AMOTL1: variants seen among roughly 807,000 people sequenced by gnomAD.
AMOTL1 encodes angiomotin like 1.
Under a neutral mutation model 102.9 loss-of-function variants are expected in AMOTL1, and 45 were observed. The ratio of observed to expected loss-of-function variants is 0.44; its 90% CI spans 0.34 to 0.56. AMOTL1 has a LOEUF of 0.56. AMOTL1 is among the 20% of genes least tolerant of loss of function. The pLI, the probability that AMOTL1 is intolerant of heterozygous loss-of-function variation, is 0.01. For missense variants in AMOTL1, 1,114 were observed against 1,225.6 expected (o/e 0.91, Z 1.36); for synonymous variants, 481 against 484.7 (o/e 0.99, Z 0.10).
At chr11:94,847,426 T>G (rs557632387) in intron 6 of AMOTL1, among the ~76,000 whole-genome samples, 2 of 152,264 alleles carry the variant, frequency 1.3e-5, no homozygotes, top group South Asian at 4.1e-4. Context: ...ACTCACTCAT[T>G]CATTCAACAA....
intron 4 of AMOTL1, among the ~76,000 whole-genome samples, chr11:94,827,448 T>G (rs1951988446): frequency 6.6e-6 from 1 of 152,224 alleles, no homozygotes; most frequent in Non-Finnish European, 1.5e-5. Flanking sequence ...GGCCACCTTT[T>G]ATAGATAAAA....
At chr11:94,707,397 G>T (rs57349763) in intron 1 of AMOTL1, among the ~76,000 whole-genome samples, 1,905 of 152,104 alleles carry the variant, frequency 0.013, 45 homozygotes, top group African/African-American at 0.043. Flanking sequence ...GCTTTGGAAG[G>T]CTCAATAAAG....
intron 2 of AMOTL1, among the ~76,000 whole-genome samples, chr11:94,740,694 G>C (rs1950508561): frequency 1.3e-5 from 2 of 151,984 alleles, no homozygotes; most frequent in Admixed American, 6.5e-5. Flanking sequence ...GTTGGCGCGC[G>C]CCTGACCGCG....
At chr11:94,834,555 G>A (rs964607424) in intron 6 of AMOTL1, among the ~76,000 whole-genome samples, 1 of 152,074 alleles carries the variant, frequency 6.6e-6, no homozygotes, top group Non-Finnish European at 1.5e-5. Context: ...TCGCGCCACT[G>A]CACTCCAGCC....
chr11:94,851,112 C>T (rs140130727), intron 7 of AMOTL1, among the ~76,000 whole-genome samples: 107 of 152,304 alleles, frequency 7.0e-4, no homozygotes, highest in Non-Finnish European at 1.1e-3. Context: ...CATTTTAATA[C>T]TAGCATAAGG....
At chr11:94,780,569 A>G (rs922980193) in intron 1 of AMOTL1, among the ~76,000 whole-genome samples, 2 of 152,214 alleles carry the variant, frequency 1.3e-5, no homozygotes, top group African/African-American at 4.8e-5. Context: ...GTTCTATTTT[A>G]AAGAGCTCAC....
At chr11:94,733,262 C>T (rs571342623) in intron 2 of AMOTL1, among the ~76,000 whole-genome samples, 4 of 152,344 alleles carry the variant, frequency 2.6e-5, no homozygotes, top group East Asian at 1.9e-4. Flanking sequence ...TCCTTTTTGT[C>T]TATTTTTCTT....
chr11:94,787,558 C>G lies in AMOTL1; in HGVS notation c.50-7453C>G, dbSNP rs557848529. Among the ~76,000 whole-genome samples the G allele has an allele frequency of 3.3e-3, 504 of 151,312 alleles. 1 individual carries two copies. The highest frequency in any genetic ancestry group is 6.8e-3 in the Middle Eastern group (2 of 294). ...CAAAAATTAGCCGGGCATGGTGGCGCGCGCCTGTAGTCCCAGCTACACGGG... is the reference window on the plus strand; with the variant it reads ...CAAAAATTAGCCGGGCATGGTGGCGGGCGCCTGTAGTCCCAGCTACACGGG... On this transcript the variant is annotated intron_variant, in intron 1 of 12. Coordinates refer to ENST00000433060, the MANE Select transcript of AMOTL1 (RefSeq NM_130847.3).
At chr11:94,802,480 C>T (rs1301645437) in intron 3 of AMOTL1, among the ~76,000 whole-genome samples, 1 of 152,072 alleles carries the variant, frequency 6.6e-6, no homozygotes, top group East Asian at 1.9e-4. Flanking sequence ...ATCACTTTGC[C>T]TTTTGTCATT....
chr11:94,751,778 GCA>G (rs71036341), intron 3 of AMOTL1, among the ~76,000 whole-genome samples: 12,057 of 146,434 alleles, frequency 0.082, 564 homozygotes, highest in South Asian at 0.16. Context: ...CATTCACACA[GCA>G]CACACACACA....
At chr11:94,751,265 A>G (rs11822848) in intron 3 of AMOTL1, among the ~76,000 whole-genome samples, 5,786 of 152,146 alleles carry the variant, frequency 0.038, 362 homozygotes, top group African/African-American at 0.13. Context: ...ATAATGATCA[A>G]TATTATCTGA....
intron 5 of AMOTL1, 97 bp from the exon 6 acceptor site, chr11:94,831,355 C>A: frequency 1.0e-6 from 1 of 999,254 alleles, no homozygotes. Context: ...CTGAGCATCT[C>A]TTCCTCCCCA....
intron 2 of AMOTL1, among the ~76,000 whole-genome samples, chr11:94,736,685 A>G (rs1189794123): frequency 2.0e-5 from 3 of 152,314 alleles, no homozygotes; most frequent in South Asian, 4.1e-4. Flanking sequence ...AATGCCTGCC[A>G]CCCAATATTC....
Position 94,869,188 on chromosome 11 carries a change from C to T in AMOTL1, c.2489-10C>T, listed in dbSNP as rs1000878491. The T allele has an allele frequency of 6.4e-6, 10 of 1,565,508 alleles. No individual in the cohort carries two copies. The African/African-American group carries it at 8.2e-5, about 13-fold the overall frequency. ...AAAAGAATGTTGAAAAATCTGTTCT[C>T]TGCCCTCAGGATTGCTGCTGGGGAA... On this transcript the variant is annotated splice_polypyrimidine_tract_variant and intron_variant, in intron 11 of 12. Coordinates refer to ENST00000433060, the MANE Select transcript of AMOTL1 (RefSeq NM_130847.3).
intron 3 of AMOTL1, among the ~76,000 whole-genome samples, chr11:94,741,205 CGT>C (rs148548948): frequency 1.0e-4 from 15 of 150,172 alleles, no homozygotes; most frequent in South Asian, 6.4e-4. Flanking sequence ...ATGAGCCGTG[CGT>C]GTGTGTGTGT....
Position 94,830,171 on chromosome 11 carries a change from A to C in AMOTL1, c.1535A>C (p.His512Pro). The C allele has an allele frequency of 6.2e-7, 1 of 1,609,344 alleles. No homozygotes were observed. Among genetic ancestry groups the C allele is most frequent in the Non-Finnish European group, 8.5e-7 (1 of 1,178,104 alleles). Reference protein sequence around the residue: ...NKLEGEIRRLHDFNRDLRDRL... With the variant: ...NKLEGEIRRLPDFNRDLRDRL... The stretch of plus-strand genomic sequence containing the variant: ...TTGGAAGGCGAGATTAGAAGACTTC[A>C]TGATTTCAACAGAGACCTCCGAGGC... Residue 512 changes from histidine (H) to proline (P), a missense_variant, in exon 5 of 13, where the codon CAT becomes CCT. Physicochemically the swap from His to Pro is moderately conservative, Grantham distance 77. Transcript: ENST00000433060.
intron 3 of AMOTL1, among the ~76,000 whole-genome samples, chr11:94,750,647 A>G (rs1950641876): frequency 6.6e-6 from 1 of 152,140 alleles, no homozygotes; most frequent in Admixed American, 6.5e-5. Flanking sequence ...TCCACCCTTT[A>G]GAAGCCTATG....
At chr11:94,866,957 G>A (rs1000414407) in intron 11 of AMOTL1, among the ~76,000 whole-genome samples, 2 of 152,128 alleles carry the variant, frequency 1.3e-5, no homozygotes, top group African/African-American at 4.8e-5. Flanking sequence ...AGCTGGAGGG[G>A]AAGCAGGCAG....
chr11:94,796,756 T>A (rs1441176484), intron 2 of AMOTL1, among the ~76,000 whole-genome samples: 1 of 152,208 alleles, frequency 6.6e-6, no homozygotes, highest in Non-Finnish European at 1.5e-5. Flanking sequence ...AACAATGTCA[T>A]CTGCTGTCAC....
Sources: gnomAD v4.1 joint callset for allele counts (sites outside exome capture counted in the v4.1 genomes callset) on GRCh38, gnomAD v4.1.1 for gene constraint, MANE v1.5 for transcripts, NCBI Gene and HGNC (gene_info 2026-07-23, HGNC 2026-07-21) for gene names.